TENM2: variants seen among roughly 807,000 people sequenced by gnomAD.
TENM2 encodes the protein teneurin-2.
Under a neutral mutation model 245.2 loss-of-function variants are expected in TENM2, and 52 were observed. That is an observed-to-expected ratio of 0.21 (90% CI 0.17 to 0.27). The LOEUF (loss-of-function observed/expected upper bound fraction) is 0.27. Ranked by LOEUF, TENM2 falls within the 10% of genes least tolerant of loss-of-function variation. The probability of loss-of-function intolerance (pLI) is 1.00; values close to 1 mark genes in which losing one functional copy is unlikely to be tolerated. For synonymous variants in TENM2, 1,363 were observed against 1,438.9 expected (o/e 0.95, Z 1.19); for missense variants, 3,046 against 3,666.8 (o/e 0.83, Z 4.37).
chr5:168,098,032 T>C, exon 9 of TENM2: 1 of 1,611,654 alleles, frequency 6.2e-7, no homozygotes, highest in Non-Finnish European at 8.5e-7. Flanking sequence ...TCAGATTCAG[T>C]GCAGGACTGT....
At chr5:167,423,575 G>A (rs569369821) in intron 2 of TENM2, among the ~76,000 whole-genome samples, 1 of 152,266 alleles carries the variant, frequency 6.6e-6, no homozygotes, top group African/African-American at 2.4e-5. Flanking sequence ...ATGCCTTCTT[G>A]ATACGTTATA....
At chr5:168,016,854 C>T (rs1006834243) in intron 5 of TENM2, among the ~76,000 whole-genome samples, 1 of 152,240 alleles carries the variant, frequency 6.6e-6, no homozygotes, top group Non-Finnish European at 1.5e-5. Context: ...ATGCACCCAT[C>T]TCCAAGAGTC....
chr5:167,819,730 G>A (rs1420285945), intron 2 of TENM2, among the ~76,000 whole-genome samples: 1 of 152,180 alleles, frequency 6.6e-6, no homozygotes, highest in Admixed American at 6.5e-5. Flanking sequence ...ATAGAGAAGG[G>A]AAATGGCGGA....
At chr5:167,897,846 G>A (rs927981908) in intron 3 of TENM2, among the ~76,000 whole-genome samples, 1 of 148,058 alleles carries the variant, frequency 6.8e-6, no homozygotes, top group Non-Finnish European at 1.5e-5. Flanking sequence ...AGAGAACTAA[G>A]TTTATGAGCC....
intron 2 of TENM2, among the ~76,000 whole-genome samples, chr5:167,736,676 C>T (rs1273877578): frequency 7.0e-6 from 1 of 142,108 alleles, no homozygotes; most frequent in African/African-American, 2.7e-5. Flanking sequence ...CCACAGAAGC[C>T]CTGGCTCAGG....
At chr5:167,470,871 G>C (rs1277082088) in intron 2 of TENM2, among the ~76,000 whole-genome samples, 8 of 152,082 alleles carry the variant, frequency 5.3e-5, no homozygotes. Context: ...CATTGAAGGA[G>C]GTCTGTCATC....
the TENM2 span, among the ~76,000 whole-genome samples, chr5:167,247,343 G>A: frequency 3.3e-5 from 5 of 152,146 alleles, no homozygotes; most frequent in Middle Eastern, 3.2e-3. Flanking sequence ...TCTTCTGAAA[G>A]TGACATTAAT....
chr5:167,926,924 A>C (rs942119722), intron 3 of TENM2, among the ~76,000 whole-genome samples: 1 of 152,252 alleles, frequency 6.6e-6, no homozygotes, highest in Admixed American at 6.5e-5. Flanking sequence ...TTACAACTGC[A>C]TGTGACACTA....
intron 2 of TENM2, among the ~76,000 whole-genome samples, chr5:167,608,966 C>T (rs1777252853): frequency 6.8e-6 from 1 of 147,912 alleles, no homozygotes; most frequent in African/African-American, 2.4e-5. Context: ...AGGAAATCCA[C>T]ACCCTACACA....
chr5:167,633,049 C>A (rs920652386), intron 2 of TENM2, among the ~76,000 whole-genome samples: 1 of 152,100 alleles, frequency 6.6e-6, no homozygotes, highest in Non-Finnish European at 1.5e-5. Flanking sequence ...AGTGAAAGAG[C>A]AAATCTATGA....
intron 3 of TENM2, among the ~76,000 whole-genome samples, chr5:167,947,570 C>T (rs1255976047): frequency 6.6e-6 from 1 of 152,186 alleles, no homozygotes; most frequent in Non-Finnish European, 1.5e-5. Flanking sequence ...TGAAAATCCT[C>T]ACCCCCAATT....
intron 5 of TENM2, among the ~76,000 whole-genome samples, chr5:168,013,364 G>A (rs1785401234): frequency 6.6e-6 from 1 of 152,156 alleles, no homozygotes; most frequent in Non-Finnish European, 1.5e-5. Context: ...AGCACTTTGG[G>A]AGACTGAAGC....
intron 2 of TENM2, among the ~76,000 whole-genome samples, chr5:167,617,383 A>G (rs1340114511): frequency 1.3e-5 from 2 of 152,162 alleles, no homozygotes; most frequent in Non-Finnish European, 2.9e-5. Context: ...TCTTGGAGAA[A>G]ACTGAAGGAA....
intron 2 of TENM2, among the ~76,000 whole-genome samples, chr5:167,806,351 A>G (rs1415992261): frequency 1.3e-5 from 2 of 152,248 alleles, no homozygotes; most frequent in South Asian, 2.1e-4. Context: ...ATGAGGTAGT[A>G]TAGTGTATTA....
chr5:168,004,213 G>A (rs1269080991), intron 5 of TENM2, among the ~76,000 whole-genome samples: 3 of 152,130 alleles, frequency 2.0e-5, no homozygotes, highest in African/African-American at 4.8e-5. Context: ...TCTACATAAG[G>A]GAGAATTATT....
intron 2 of TENM2, among the ~76,000 whole-genome samples, chr5:167,823,239 G>C (rs1365443815): frequency 6.6e-6 from 1 of 152,138 alleles, no homozygotes; most frequent in Admixed American, 6.5e-5. Flanking sequence ...GATTGGTGGA[G>C]CTCTATTTTC....
At chr5:167,588,545 T>A (rs1775662049) in intron 2 of TENM2, among the ~76,000 whole-genome samples, 1 of 152,238 alleles carries the variant, frequency 6.6e-6, no homozygotes, top group Non-Finnish European at 1.5e-5. Context: ...TTTCTTTTGA[T>A]ACTTAGTTAC....
intron 3 of TENM2, among the ~76,000 whole-genome samples, chr5:167,922,496 C>A (rs1361489834): frequency 6.6e-6 from 1 of 152,236 alleles, no homozygotes; most frequent in Non-Finnish European, 1.5e-5. Context: ...CTCAAGGAAG[C>A]AACAAGCCCA....
At chr5:168,256,613 C>T (rs1382596548) in intron 27 of TENM2, among the ~76,000 whole-genome samples, 2 of 151,986 alleles carry the variant, frequency 1.3e-5, no homozygotes, top group East Asian at 1.9e-4. Context: ...TTAGTCGAGA[C>T]GAGGTTTCAC....
Sources: gnomAD v4.1 joint callset for allele counts (sites outside exome capture counted in the v4.1 genomes callset) on GRCh38, gnomAD v4.1.1 for gene constraint, MANE v1.5 for transcripts, NCBI Gene and HGNC (gene_info 2026-07-23, HGNC 2026-07-21) for gene names.